PBRM1: variants seen among roughly 807,000 people sequenced by gnomAD.
The protein encoded by PBRM1 is polybromo 1.
A neutral mutation model predicts 194.5 loss-of-function variants in PBRM1; 27 were observed. That is an observed-to-expected ratio of 0.14 (90% confidence interval 0.10 to 0.19). The LOEUF (loss-of-function observed/expected upper bound fraction) is 0.19, where lower values mean the gene tolerates loss of function less well. PBRM1 is among the 10% of genes least tolerant of loss of function. The pLI, the probability that PBRM1 is intolerant of heterozygous loss-of-function variation, is 1.00. For synonymous variants in PBRM1, 655 were observed against 693.2 expected (o/e 0.94, Z 0.87); for missense variants, 1,466 against 2,077.2 (o/e 0.71, Z 5.72).
At chr3:52,621,307 C>T (rs2095264667) in intron 13 of PBRM1, among the ~76,000 whole-genome samples, 1 of 152,088 alleles carries the variant, frequency 6.6e-6, no homozygotes, top group Admixed American at 6.6e-5. Context: ...CTACAGGTGC[C>T]TGCCACCACG....
intron 8 of PBRM1, 122 bp from the exon 10 acceptor site, chr3:52,643,465 C>T (rs1432828941): frequency 1.2e-5 from 8 of 681,928 alleles, no homozygotes; most frequent in Non-Finnish European, 2.1e-5. Context: ...TACTTCTGAA[C>T]TTCTACTATG....
At chr3:52,668,130 C>T (rs1479541036) in intron 3 of PBRM1, among the ~76,000 whole-genome samples, 1 of 152,040 alleles carries the variant, frequency 6.6e-6, no homozygotes, top group Non-Finnish European at 1.5e-5. Flanking sequence ...ACCCTGGTCT[C>T]TACAAAACAT....
chr3:52,583,031 A>G (rs1307735919), intron 20 of PBRM1, among the ~76,000 whole-genome samples: 2 of 140,386 alleles, frequency 1.4e-5, no homozygotes, highest in Non-Finnish European at 3.0e-5. Flanking sequence ...CCGAAGATGG[A>G]GCTTGCAGTG....
In PBRM1 at chr3:52,678,497, C is replaced by G. The variant is rs1364877420; in HGVS notation, c.236+3G>C. The G allele has an allele frequency of 5.0e-6, 8 of 1,595,846 alleles. No homozygotes were observed. In the African/African-American group the frequency reaches 6.7e-5, roughly 13 times the overall value. On this transcript the variant is annotated splice_donor_region_variant and intron_variant, in intron 2 of 29. Coordinates refer to ENST00000296302, the Ensembl canonical transcript of PBRM1. ...CAACTGTACTGATGTGCTTCGAACTCACCTTCGCTTTGGTGCCCTAATGAA... is the reference window on the plus strand; with the variant it reads ...CAACTGTACTGATGTGCTTCGAACTGACCTTCGCTTTGGTGCCCTAATGAA...
intron 11 of PBRM1, among the ~76,000 whole-genome samples, chr3:52,632,980 G>A (rs1046211443): frequency 5.3e-5 from 8 of 152,104 alleles, no homozygotes; most frequent in African/African-American, 1.9e-4. Context: ...GATTATAGGT[G>A]TGAGCCTCTG....
chr3:52,651,681 G>C (rs2096496595), intron 6 of PBRM1, 61 bp downstream of exon 7: 3 of 908,600 alleles, frequency 3.3e-6, no homozygotes, highest in Non-Finnish European at 5.1e-6. Flanking sequence ...AAAGCTTCTA[G>C]GAAAGATCAT....
At chr3:52,615,178 A>G (rs2094891761) in intron 15 of PBRM1, among the ~76,000 whole-genome samples, 173 bp downstream of exon 17, 1 of 152,256 alleles carries the variant, frequency 6.6e-6, no homozygotes, top group Admixed American at 6.5e-5. Context: ...TGCTTGTCAC[A>G]GTTTAGCTAC....
At chr3:52,667,746 CA>C (rs34993730) in intron 3 of PBRM1, among the ~76,000 whole-genome samples, 61,013 of 85,526 alleles carry the variant, frequency 0.71, 21,614 homozygotes, top group East Asian at 0.9. Flanking sequence ...GACTTTGCCT[CA>C]AAAAAAAAAA....
chr3:52,604,958 A>AAAAAAAATAAATAAATAAAT (rs2094250701), intron 16 of PBRM1, among the ~76,000 whole-genome samples: 1 of 145,672 alleles, frequency 6.9e-6, no homozygotes, highest in South Asian at 2.2e-4. Flanking sequence ...ACTCTGTCCC[A>AAAAAAAATAAATAAATAAAT]AAATAAATAA....
At chr3:52,673,830 C>T (rs1276004415) in intron 2 of PBRM1, among the ~76,000 whole-genome samples, 3 of 151,764 alleles carry the variant, frequency 2.0e-5, no homozygotes, top group Non-Finnish European at 4.4e-5. Context: ...GTGGACAGAT[C>T]ACTTGAGGTC....
chr3:52,629,711 T>C (rs952234303), intron 11 of PBRM1, among the ~76,000 whole-genome samples: 3 of 152,232 alleles, frequency 2.0e-5, no homozygotes, highest in Non-Finnish European at 2.9e-5. Flanking sequence ...AAAGCCCTTA[T>C]GTACTTTGTA....
At chr3:52,578,253 A>G (rs2090204819) in intron 21 of PBRM1, among the ~76,000 whole-genome samples, 1 of 152,112 alleles carries the variant, frequency 6.6e-6, no homozygotes, top group African/African-American at 2.4e-5. Context: ...GACCTAACAT[A>G]CTATACACTT....
At chr3:52,618,277 T>A (rs2577830) in intron 13 of PBRM1, among the ~76,000 whole-genome samples, 3,484 of 152,272 alleles carry the variant, frequency 0.023, 149 homozygotes, top group African/African-American at 0.081. Flanking sequence ...GAAGCTGATT[T>A]AAGCAGTATG....
chr3:52,604,103 T>A (rs965287737), intron 16 of PBRM1, among the ~76,000 whole-genome samples: 1 of 152,240 alleles, frequency 6.6e-6, no homozygotes, highest in Non-Finnish European at 1.5e-5. Flanking sequence ...CTTACTCGTA[T>A]CTATTCTTTG....
At chr3:52,625,947 G>A (rs1561337) in intron 13 of PBRM1, among the ~76,000 whole-genome samples, 52,035 of 151,910 alleles carry the variant, frequency 0.34, 9,915 homozygotes, top group Admixed American at 0.46. Flanking sequence ...CGAGTATCTG[G>A]CCTGGGCTAA....
chr3:52,572,636 A>G (rs562838778), intron 22 of PBRM1, among the ~76,000 whole-genome samples: 3 of 152,320 alleles, frequency 2.0e-5, no homozygotes, highest in Non-Finnish European at 2.9e-5. Flanking sequence ...TCAGCCTCCC[A>G]AAGTGCTGGG....
At chr3:52,659,466 G>C (rs2096673273) in intron 4 of PBRM1, among the ~76,000 whole-genome samples, 1 of 152,102 alleles carries the variant, frequency 6.6e-6, no homozygotes, top group African/African-American at 2.4e-5. Context: ...CTGTTGCCCA[G>C]GTTGGAGTGA....
intron 20 of PBRM1, among the ~76,000 whole-genome samples, chr3:52,583,138 G>A (rs1200321389): frequency 7.4e-5 from 11 of 148,274 alleles, no homozygotes; most frequent in African/African-American, 5.0e-5. Context: ...GGGCGGGGGC[G>A]GTGGCTCACA....
intron 5 of PBRM1, 48 bp from the exon 7 acceptor site, chr3:52,651,858 T>C: frequency 8.2e-7 from 1 of 1,221,602 alleles, no homozygotes. Context: ...ACTATTCAGC[T>C]AATGAAAAGA....
Sources: gnomAD v4.1 joint callset for allele counts (sites outside exome capture counted in the v4.1 genomes callset) on GRCh38, gnomAD v4.1.1 for gene constraint, MANE v1.5 for transcripts, NCBI Gene and HGNC (gene_info 2026-07-23, HGNC 2026-07-21) for gene names.